ANKRD24: variants seen among roughly 807,000 people sequenced by gnomAD.
ANKRD24 encodes the protein ankyrin repeat domain 24, also known as ankyrin repeat domain-containing protein 24.
A neutral mutation model predicts 127.8 loss-of-function variants in ANKRD24; 109 were observed. The observed-to-expected ratio is 0.85, with a 90% CI of 0.73 to 1.00. ANKRD24 has a LOEUF of 1.00. Ranked by LOEUF, ANKRD24 falls within the 50% of genes least tolerant of loss-of-function variation. The pLI, the probability that ANKRD24 is intolerant of heterozygous loss-of-function variation, is 0.00. For synonymous variants in ANKRD24, 743 were observed against 671.1 expected (o/e 1.11, Z -1.66); for missense variants, 1,648 against 1,570.2 (o/e 1.05, Z -0.84).
chr19:4,197,260 A>T (rs1264478752), intron 2 of ANKRD24, among the ~76,000 whole-genome samples: 1 of 152,108 alleles, frequency 6.6e-6, no homozygotes, highest in Non-Finnish European at 1.5e-5. Context: ...CCAGTGGCGA[A>T]TGAATGAATG....
At chr19:4,196,113 T>A (rs1968720922) in intron 2 of ANKRD24, among the ~76,000 whole-genome samples, 1 of 152,158 alleles carries the variant, frequency 6.6e-6, no homozygotes, top group Non-Finnish European at 1.5e-5. Context: ...GACAGCCCCA[T>A]TCTAGAGAAA....
chr19:4,196,364 T>C (rs1968738743), intron 2 of ANKRD24, among the ~76,000 whole-genome samples: 1 of 151,836 alleles, frequency 6.6e-6, no homozygotes, highest in South Asian at 2.1e-4. Context: ...TGTTTTAGTT[T>C]GTTTGTTTTT....
chr19:4,218,807 A>C (rs1599467254), intron 18 of ANKRD24, among the ~76,000 whole-genome samples: 4 of 107,932 alleles, frequency 3.7e-5, no homozygotes, highest in African/African-American at 3.8e-5. Flanking sequence ...TCACCCAGTC[A>C]CCCAGGCTGG....
chr19:4,214,999 C>G (rs1969976623), intron 15 of ANKRD24, among the ~76,000 whole-genome samples: 1 of 152,208 alleles, frequency 6.6e-6, no homozygotes, highest in Non-Finnish European at 1.5e-5. Context: ...ACTGTCGCAT[C>G]CACTCTCATG....
At chr19:4,182,994 T>A (rs1967821529) in intron 1 of ANKRD24, among the ~76,000 whole-genome samples, 1 of 151,694 alleles carries the variant, frequency 6.6e-6, no homozygotes, top group Admixed American at 6.6e-5. Context: ...TGTGTGTGTG[T>A]GTGTGACGGA....
chr19:4,212,310 C>T (rs1254213314), intron 13 of ANKRD24, among the ~76,000 whole-genome samples, 165 bp from the exon 14 acceptor site: 1 of 152,238 alleles, frequency 6.6e-6, no homozygotes, highest in African/African-American at 2.4e-5. Context: ...GCCTGGTACA[C>T]AGCAGGCACT....
chr19:4,216,546 C>A lies in ANKRD24; in HGVS notation c.1390-4C>A. The A allele has an allele frequency of 6.2e-7, 1 of 1,603,174 alleles. No homozygotes were observed. On this transcript the variant is annotated splice_polypyrimidine_tract_variant and splice_region_variant and intron_variant, in intron 17 of 21. Transcript: ENST00000318934. ...AGACTCCTGCCCCCCACTCCACTCCCCAGATCCTGGAGAACTTTGAGAAGG... is the reference window on the plus strand; with the variant it reads ...AGACTCCTGCCCCCCACTCCACTCCACAGATCCTGGAGAACTTTGAGAAGG...
intron 14 of ANKRD24, 37 bp from the exon 15 acceptor site, chr19:4,212,563 C>T: frequency 6.5e-7 from 1 of 1,547,608 alleles, no homozygotes; most frequent in South Asian, 1.2e-5. Flanking sequence ...CCAGCCTTTC[C>T]TCCCAGAGGC....
chr19:4,187,451 GGA>G (rs1387826880), intron 2 of ANKRD24, among the ~76,000 whole-genome samples: 1 of 152,102 alleles, frequency 6.6e-6, no homozygotes, highest in East Asian at 1.9e-4. Context: ...GGGGAGTGGG[GGA>G]GAGAGTTTGC....
Position 4,217,648 on chromosome 19 carries a change from CG to C in ANKRD24, c.2492del (p.Gly831AlafsTer179). On this transcript the variant is annotated frameshift_variant, in exon 18 of 22. Coordinates refer to ENST00000318934, the MANE Select transcript of ANKRD24 (RefSeq NM_001393985.1). LOFTEE classifies it high-confidence loss of function. ...ASRLLAEEEA[R>X]GLRAELAQRE... ...CCGGCTGCTGGCGGAGGAGGAGGCG[CG>C]GGGCCTGCGGGCCGAGCTGGCCCAG... 1.6e-6 allele frequency: 2 copies of C among 1,284,750 alleles called. No homozygotes were observed. The highest frequency in any genetic ancestry group is 3.3e-5 in the East Asian group (1 of 30,044). 79.6% of individuals were successfully genotyped at this position (1,284,750 alleles called of 1,614,324 possible).
chr19:4,207,102 T>C (rs961424934), intron 7 of ANKRD24, 140 bp from the exon 8 acceptor site: 2 of 527,510 alleles, frequency 3.8e-6, no homozygotes, highest in African/African-American at 3.9e-5. Context: ...TTTTTTTTTT[T>C]TGTAGAGACA....
intron 2 of ANKRD24, among the ~76,000 whole-genome samples, chr19:4,189,240 CTTCTTTT>C (rs1568311676): frequency 1.1e-5 from 1 of 94,064 alleles, no homozygotes; most frequent in African/African-American, 3.9e-5. Context: ...ATTTTTCTTT[CTTCTTTT>C]TTTTTTTTTT....
Position 4,186,434 on chromosome 19 carries a change from T to A in ANKRD24, c.9T>A (p.Thr3=), listed in dbSNP as rs370740733. Residue 3 remains threonine (T), a synonymous_variant, in exon 2 of 22, where the codon ACT becomes ACA. Coordinates refer to ENST00000318934, the MANE Select transcript of ANKRD24 (RefSeq NM_001393985.1). ...AACACAGGGCACCAACTATGAAGAC[T>A]CTCAGGGCGCGATTTAAGAAGACAG... The part of the protein sequence containing the change: MK[T]LRARFKKTEL... 1.9e-6 allele frequency: 3 copies of A among 1,592,218 alleles called. No individual in the cohort carries two copies. Among genetic ancestry groups the A allele is most frequent in the Non-Finnish European group, 2.6e-6 (3 of 1,169,472 alleles).
At chr19:4,218,527 T>C (rs1354153038) in intron 18 of ANKRD24, among the ~76,000 whole-genome samples, 3 of 152,006 alleles carry the variant, frequency 2.0e-5, no homozygotes, top group Non-Finnish European at 4.4e-5. Flanking sequence ...CTTGAACTCC[T>C]GACCTCAGGT....
In ANKRD24 at chr19:4,199,764, C is replaced by A; in HGVS notation, c.118C>A (p.Arg40Ser). Residue 40 changes from arginine (R) to serine (S), a missense_variant, in exon 3 of 22, where the codon CGC (arginine) becomes AGC (serine). Physicochemically the swap from Arg to Ser is moderately radical, Grantham distance 110 (BLOSUM62 -1). Coordinates refer to ENST00000318934, the MANE Select transcript of ANKRD24 (RefSeq NM_001393985.1). The surrounding 1 kb of genome is among the most constrained non-coding windows in gnomAD (Gnocchi z 5.2). Reference sequence around the variant, plus strand: ...CCCGAAGCCGGCAGCCAGAGGCAGGCGCCAGGCAAGTGCCCAGGGGCAGGT... The same window carrying A: ...CCCGAAGCCGGCAGCCAGAGGCAGGAGCCAGGCAAGTGCCCAGGGGCAGGT... ...PIPKPAARGR[R>S]QSQDWGKSDE... 1 of 1,536,780 alleles carries A rather than the reference C, an allele frequency of 6.5e-7. No homozygotes were observed. The highest frequency in any genetic ancestry group is 8.7e-7 in the Non-Finnish European group (1 of 1,143,860).
In ANKRD24 at chr19:4,198,045, G is replaced by A; in HGVS notation, c.37-1638G>A. The A allele has an allele frequency of 4.9e-6, 2 of 410,498 alleles. No individual in the cohort carries two copies. The highest frequency in any genetic ancestry group is 8.6e-6 in the Non-Finnish European group (2 of 231,834). The allele number at this position is 410,498 out of a possible 1,614,324, so 25.4% of individuals were successfully genotyped here. A position where few individuals can be genotyped will look rare whatever the true frequency, so the allele number is the denominator to read the frequency against. ...GCGAGAGCCCTGCCGGCCGCGTGGA[G>A]GTGCGAGGCTGCGGACGTCGCGGGC... On this transcript the variant is annotated intron_variant, in intron 2 of 21. Transcript: ENST00000318934. This position sits in a 1 kb window ranked among gnomAD's most constrained non-coding sequence, Gnocchi z 6.1.
At chr19:4,207,995 A>G in intron 10 of ANKRD24, 27 bp downstream of exon 10, 1 of 1,443,396 alleles carries the variant, frequency 6.9e-7, no homozygotes, top group South Asian at 1.6e-5. Flanking sequence ...TCCCCAATGC[A>G]TTTGCTTCTT....
intron 10 of ANKRD24, 122 bp downstream of exon 10, chr19:4,208,090 C>G: frequency 9.6e-7 from 1 of 1,040,662 alleles, no homozygotes; most frequent in South Asian, 2.2e-5. Flanking sequence ...GGTCCTAGAG[C>G]TTACCCAATT....
rs1267206594 is a variant in ANKRD24, at chr19:4,202,938, C to T, written c.466+12C>T. On this transcript the variant is annotated intron_variant, in intron 7 of 21. Coordinates refer to ENST00000318934, the MANE Select transcript of ANKRD24 (RefSeq NM_001393985.1). ...CCTACACCATGCAGGTGGGTGCAGC[C>T]CAGCCCTGCCCTGACCCCGAAGCCC... The T allele has an allele frequency of 6.4e-7, 1 of 1,550,588 alleles. No homozygotes were observed. The highest frequency in any genetic ancestry group is 2.4e-5 in the East Asian group (1 of 41,122).
Sources: allele counts gnomAD v4.1 joint callset (sites outside exome capture counted in the v4.1 genomes callset), GRCh38; gene constraint gnomAD v4.1.1; non-coding constraint Gnocchi (gnomAD v3.1); transcripts MANE v1.5; gene names NCBI Gene and HGNC (gene_info 2026-07-23, HGNC 2026-07-21).